THSD7B: variants seen among roughly 807,000 people sequenced by gnomAD.
THSD7B encodes thrombospondin type-1 domain-containing protein 7B.
A neutral mutation model predicts 213.6 loss-of-function variants in THSD7B; 138 were observed. That is an observed-to-expected ratio of 0.65 (90% confidence interval 0.56 to 0.74). The LOEUF (loss-of-function observed/expected upper bound fraction) is 0.74. Ranked by LOEUF, THSD7B falls within the 30% of genes least tolerant of loss-of-function variation. The pLI is 0.00. For missense variants in THSD7B, 1,931 were observed against 1,991.5 expected (o/e 0.97, Z 0.58); for synonymous variants, 742 against 687.0 (o/e 1.08, Z -1.25).
chr2:137,287,919 C>A (rs1683223190), intron 12 of THSD7B, among the ~76,000 whole-genome samples: 1 of 152,060 alleles, frequency 6.6e-6, no homozygotes, highest in Admixed American at 6.6e-5. Context: ...AAGTCTACTG[C>A]AAACTGTGTA....
chr2:136,974,296 A>T (rs1034187290), intron 2 of THSD7B, among the ~76,000 whole-genome samples: 4 of 152,090 alleles, frequency 2.6e-5, no homozygotes, highest in African/African-American at 9.7e-5. Flanking sequence ...CCCATCACCT[A>T]GGTATTAAGC....
At chr2:137,365,412 G>T (rs1418409840) in intron 12 of THSD7B, among the ~76,000 whole-genome samples, 1 of 152,186 alleles carries the variant, frequency 6.6e-6, no homozygotes, top group Non-Finnish European at 1.5e-5. Flanking sequence ...AAACTAAAGA[G>T]CTTCTGCACA....
intron 2 of THSD7B, among the ~76,000 whole-genome samples, chr2:136,959,190 A>G (rs1203015068): frequency 6.6e-6 from 1 of 152,210 alleles, no homozygotes; most frequent in African/African-American, 2.4e-5. Flanking sequence ...AGTTTCGGCT[A>G]ACTGGCTTCA....
chr2:137,230,954 T>TG (rs34640721), intron 7 of THSD7B, 90 bp from the exon 8 acceptor site: 89 of 1,221,058 alleles, frequency 7.3e-5, no homozygotes, highest in Middle Eastern at 2.9e-4. Flanking sequence ...CTATCATTTT[T>TG]GGGGGGGTAC....
At chr2:137,017,526 A>T (rs962281261) in intron 2 of THSD7B, among the ~76,000 whole-genome samples, 5 of 152,158 alleles carry the variant, frequency 3.3e-5, no homozygotes, top group Non-Finnish European at 5.9e-5. Flanking sequence ...CATAGAAGCC[A>T]ATATCATCTG....
chr2:137,560,110 G>C (rs971795655), intron 15 of THSD7B, among the ~76,000 whole-genome samples: 17 of 122,198 alleles, frequency 1.4e-4, no homozygotes, highest in African/African-American at 7.5e-4. Flanking sequence ...TACACTGTTG[G>C]TGGGACTGTA....
chr2:137,639,942 T>G (rs1393434242), intron 20 of THSD7B, among the ~76,000 whole-genome samples: 3 of 152,198 alleles, frequency 2.0e-5, no homozygotes, highest in Admixed American at 2.0e-4. Flanking sequence ...TTGCCTTGTC[T>G]CAGATGAGAC....
Position 136,882,316 on chromosome 2 carries a change from A to T in THSD7B, c.138A>T (p.Pro46=). 2.0e-6 allele frequency: 3 copies of T among 1,530,782 alleles called. No homozygotes were observed. Among genetic ancestry groups the T allele is most frequent in the Non-Finnish European group, 2.6e-6 (3 of 1,138,930 alleles). 94.8% of individuals were successfully genotyped at this position (1,530,782 alleles called of 1,614,324 possible). ...GKKDNQFIWK[P]GPWGRCTGDC... ...AGGATAATCAGTTCATCTGGAAACC[A>T]GGTAGGAATGTCCTGGCTGTTCCTT... The change falls in exon 2 of 28, where the codon CCA becomes CCT. Residue 46 remains proline, a splice_region_variant and synonymous_variant. Transcript: ENST00000409968.
intron 2 of THSD7B, among the ~76,000 whole-genome samples, chr2:136,942,861 GC>G (rs1264952968): frequency 1.3e-5 from 2 of 152,100 alleles, no homozygotes; most frequent in African/African-American, 4.8e-5. Flanking sequence ...CTGCCTGATT[GC>G]CCTGGCCAGA....
intron 17 of THSD7B, among the ~76,000 whole-genome samples, chr2:137,576,415 A>T (rs1395058604): frequency 1.3e-5 from 2 of 152,122 alleles, no homozygotes; most frequent in Non-Finnish European, 2.9e-5. Flanking sequence ...CCCTTCACAT[A>T]GTGGGAATTA....
intron 2 of THSD7B, among the ~76,000 whole-genome samples, chr2:136,977,186 G>A (rs927663218): frequency 1.3e-5 from 2 of 152,052 alleles, no homozygotes; most frequent in Non-Finnish European, 2.9e-5. Context: ...TCAGCCTTGG[G>A]AATGTGTATG....
chr2:137,179,638 A>C (rs1042146543), intron 7 of THSD7B, among the ~76,000 whole-genome samples: 1 of 151,752 alleles, frequency 6.6e-6, no homozygotes, highest in African/African-American at 2.4e-5. Flanking sequence ...TTTTTACTTA[A>C]TCTTATAATC....
At chr2:137,452,653 T>C (rs1687676026) in intron 15 of THSD7B, among the ~76,000 whole-genome samples, 1 of 152,144 alleles carries the variant, frequency 6.6e-6, no homozygotes, top group South Asian at 2.1e-4. Context: ...TTTTATGAAC[T>C]AGGAAATTAT....
chr2:136,951,025 A>G (rs1476616622), intron 2 of THSD7B, among the ~76,000 whole-genome samples: 1 of 152,128 alleles, frequency 6.6e-6, no homozygotes, highest in Non-Finnish European at 1.5e-5. Flanking sequence ...CTGCCTGTTT[A>G]GGTAATTGAA....
intron 12 of THSD7B, among the ~76,000 whole-genome samples, chr2:137,308,320 G>C (rs1683806120): frequency 6.6e-6 from 1 of 152,044 alleles, no homozygotes; most frequent in Admixed American, 6.6e-5. Context: ...TTCCTGATCA[G>C]GTTCCAGACC....
At chr2:137,210,256 G>A (rs1681072628) in intron 7 of THSD7B, among the ~76,000 whole-genome samples, 1 of 151,994 alleles carries the variant, frequency 6.6e-6, no homozygotes, top group African/African-American at 2.4e-5. Flanking sequence ...CATCTATCAA[G>A]CTTTCACTTT....
At chr2:137,455,007 C>T (rs1687736170) in intron 15 of THSD7B, among the ~76,000 whole-genome samples, 1 of 1,426 alleles carries the variant, frequency 7.0e-4, no homozygotes, top group Admixed American at 7.5e-3. Context: ...ACATACTGTT[C>T]AAAAAATATT....
chr2:137,413,751 C>T (rs543801726), intron 14 of THSD7B, among the ~76,000 whole-genome samples: 13 of 152,142 alleles, frequency 8.5e-5, no homozygotes, highest in South Asian at 2.1e-4. Flanking sequence ...TATAATTTAA[C>T]GGCAGTCATC....
In THSD7B at chr2:137,329,706, G is replaced by T. The variant is rs1159307929; in HGVS notation, c.2500+53680G>T. The stretch of plus-strand genomic sequence containing the variant: ...TAAACAGCAAAAGATTCAAGAGAAA[G>T]CCGAGGATAAAAGTTTGGAAAATTT... On this transcript the variant is annotated intron_variant, in intron 12 of 27. Coordinates refer to ENST00000409968, the MANE Select transcript of THSD7B (RefSeq NM_001316349.2). Among the ~76,000 whole-genome samples, 3 of 152,188 alleles carry T rather than the reference G, an allele frequency of 2.0e-5. No homozygotes were observed. In the East Asian group the frequency reaches 5.8e-4, roughly 29 times the overall value.
Sources: gnomAD v4.1 joint callset for allele counts (sites outside exome capture counted in the v4.1 genomes callset) on GRCh38, gnomAD v4.1.1 for gene constraint, MANE v1.5 for transcripts, NCBI Gene and HGNC (gene_info 2026-07-23, HGNC 2026-07-21) for gene names.